SEMA5A: variants seen among roughly 807,000 people sequenced by gnomAD.
SEMA5A encodes the protein semaphorin 5A, also known as semaphorin-5A.
Under a neutral mutation model 135.5 loss-of-function variants are expected in SEMA5A, and 55 were observed. That is an observed-to-expected ratio of 0.41 (90% confidence interval 0.33 to 0.51). The LOEUF is 0.51. Among genes scored for constraint, SEMA5A ranks in the 20% least tolerant of loss-of-function variants. The probability of loss-of-function intolerance (pLI) is 0.37; values close to 1 mark genes in which losing one functional copy is unlikely to be tolerated. For synonymous variants in SEMA5A, 580 were observed against 546.5 expected (o/e 1.06, Z -0.85); for missense variants, 1,290 against 1,419.9 (o/e 0.91, Z 1.47).
intron 2 of SEMA5A, among the ~76,000 whole-genome samples, chr5:9,392,041 T>C (rs1259017698): frequency 6.6e-6 from 1 of 152,074 alleles, no homozygotes; most frequent in African/African-American, 2.4e-5. Context: ...ACCAAGCTCA[T>C]CACCTTGCAG....
chr5:9,180,782 T>C, intron 11 of SEMA5A, among the ~76,000 whole-genome samples: 1 of 100,794 alleles, frequency 9.9e-6, no homozygotes, highest in Admixed American at 9.0e-5. Context: ...AATTAGGTGC[T>C]AGAAAAAAAA....
At chr5:9,392,983 A>T (rs1756232895) in intron 2 of SEMA5A, among the ~76,000 whole-genome samples, 1 of 152,258 alleles carries the variant, frequency 6.6e-6, no homozygotes, top group Non-Finnish European at 1.5e-5. Context: ...ATACAAAGTC[A>T]GTACAGAATT....
At position 9,066,585 on chromosome 5, in the gene SEMA5A, G is replaced by A; in HGVS notation, c.2135C>T (p.Pro712Leu). The stretch of plus-strand genomic sequence containing the variant: ...GTCAGAGATGTTGACAGGTGTCCAG[G>A]GTGTCCAGGGCGTGGTCTTCTTCAG... Reference protein sequence around the residue: ...PELKKTTPWTPWTPVNISDNG... With the variant: ...PELKKTTPWTLWTPVNISDNG... The change falls in exon 17 of 23, where the codon CCC (proline) becomes CTC (leucine). Residue 712 changes from proline to leucine, a missense_variant. Physicochemically the swap from Pro to Leu is moderately conservative, Grantham distance 98 (BLOSUM62 -3). This residue lies in a region of SEMA5A where 1,029 missense variants were observed against 1,086.6 expected (regional missense o/e 0.95). Transcript: ENST00000382496. 1.9e-6 allele frequency: 3 copies of A among 1,614,128 alleles called. No individual in the cohort carries two copies. The highest frequency in any genetic ancestry group is 1.7e-6 in the Non-Finnish European group (2 of 1,180,024).
rs777869485 is a variant in SEMA5A at position 9,379,808 on chromosome 5, G to A, written c.124+15C>T. ...TAGATGACGGCTTTGCAATCAGTGC[G>A]TGCTGGTTCCTTACCTTTATAGGAG... On this transcript the variant is annotated intron_variant, in intron 3 of 22. Coordinates refer to ENST00000382496, the MANE Select transcript of SEMA5A (RefSeq NM_003966.3). 3.2e-5 allele frequency: 52 copies of A among 1,612,716 alleles called. No homozygotes were observed. The highest frequency in any genetic ancestry group is 2.7e-4 in the Admixed American group (16 of 59,646).
chr5:9,193,508 A>G (rs1745224127), intron 10 of SEMA5A, among the ~76,000 whole-genome samples: 1 of 152,170 alleles, frequency 6.6e-6, no homozygotes, highest in Non-Finnish European at 1.5e-5. Flanking sequence ...CCAGCACACT[A>G]GTGCATGGTG....
intron 5 of SEMA5A, among the ~76,000 whole-genome samples, chr5:9,246,344 T>A (rs1748481471): frequency 6.6e-6 from 1 of 152,114 alleles, no homozygotes; most frequent in Admixed American, 6.6e-5. Context: ...GACATCGGAG[T>A]GGATTGAATT....
intron 5 of SEMA5A, among the ~76,000 whole-genome samples, chr5:9,300,907 G>A (rs925392632): frequency 6.6e-6 from 1 of 152,170 alleles, no homozygotes; most frequent in African/African-American, 2.4e-5. Flanking sequence ...CAAAGGGAGT[G>A]GAGCCCTGCT....
At chr5:9,485,906 G>A (rs1421140600) in intron 1 of SEMA5A, among the ~76,000 whole-genome samples, 1 of 152,110 alleles carries the variant, frequency 6.6e-6, no homozygotes, top group Non-Finnish European at 1.5e-5. Flanking sequence ...AAATATTTAA[G>A]ATATCATCTA....
intron 3 of SEMA5A, among the ~76,000 whole-genome samples, chr5:9,362,127 C>T (rs2126382677): frequency 6.6e-6 from 1 of 152,236 alleles, no homozygotes; most frequent in East Asian, 1.9e-4. Flanking sequence ...TTTGCGTTTT[C>T]CTTTTGCAGG....
chr5:9,323,643 T>C (rs1426778151), intron 4 of SEMA5A, among the ~76,000 whole-genome samples: 1 of 150,994 alleles, frequency 6.6e-6, no homozygotes, highest in African/African-American at 2.4e-5. Context: ...TGCTTTTAAA[T>C]GTTTCTTTTT....
intron 1 of SEMA5A, among the ~76,000 whole-genome samples, chr5:9,518,924 A>AT (rs906046877): frequency 1.3e-5 from 2 of 151,666 alleles, no homozygotes; most frequent in South Asian, 2.1e-4. Flanking sequence ...AGAGCAGAAA[A>AT]TTTTTTTTTA....
chr5:9,386,506 C>T (rs1035480520), intron 2 of SEMA5A, among the ~76,000 whole-genome samples: 1 of 152,210 alleles, frequency 6.6e-6, no homozygotes, highest in South Asian at 2.1e-4. Context: ...CAGCCTTGCA[C>T]ACTCAGTAGT....
At chr5:9,145,641 C>CTTTTTT (rs36054284) in intron 12 of SEMA5A, among the ~76,000 whole-genome samples, 3 of 117,528 alleles carry the variant, frequency 2.6e-5, no homozygotes, top group Non-Finnish European at 3.4e-5. Context: ...AAGAAGAAAA[C>CTTTTTT]TTTTTTTTTT....
At chr5:9,537,095 T>TA (rs567836147) in intron 1 of SEMA5A, among the ~76,000 whole-genome samples, 15 of 152,082 alleles carry the variant, frequency 9.9e-5, no homozygotes, top group South Asian at 4.2e-4. Context: ...TAGAAATCAT[T>TA]AAAAAAAATG....
chr5:9,088,313 A>C (rs1738821326), intron 16 of SEMA5A, among the ~76,000 whole-genome samples: 1 of 150,926 alleles, frequency 6.6e-6, no homozygotes, highest in African/African-American at 2.4e-5. Flanking sequence ...AAAAAAAAAA[A>C]AAAAAGAAAA....
At chr5:9,059,267 C>T (rs1457952710) in intron 18 of SEMA5A, among the ~76,000 whole-genome samples, 6 of 151,724 alleles carry the variant, frequency 4.0e-5, no homozygotes, top group South Asian at 2.1e-4. Context: ...AAAAAAACAT[C>T]TGTTGTCTGT....
chr5:9,509,994 G>T (rs919676666), intron 1 of SEMA5A, among the ~76,000 whole-genome samples: 1 of 152,146 alleles, frequency 6.6e-6, no homozygotes, highest in African/African-American at 2.4e-5. Context: ...AGAGGAAAAA[G>T]CAACAGATTT....
At chr5:9,176,041 C>A (rs1195099852) in intron 11 of SEMA5A, among the ~76,000 whole-genome samples, 1 of 152,154 alleles carries the variant, frequency 6.6e-6, no homozygotes, top group Non-Finnish European at 1.5e-5. Flanking sequence ...GTGTGTCACT[C>A]CTGTGATTAG....
chr5:9,372,352 A>G (rs931442713), intron 3 of SEMA5A, among the ~76,000 whole-genome samples: 5 of 152,128 alleles, frequency 3.3e-5, no homozygotes, highest in African/African-American at 1.2e-4. Flanking sequence ...TGGGACACGC[A>G]TGGAACTGTG....
Sources: gnomAD v4.1 joint callset for allele counts (sites outside exome capture counted in the v4.1 genomes callset) on GRCh38, gnomAD v4.1.1 for gene constraint, gnomAD v4.1.1 regional missense constraint, MANE v1.5 for transcripts, NCBI Gene and HGNC (gene_info 2026-07-23, HGNC 2026-07-21) for gene names.